Variants in HCN4 observed in about 807,000 individuals in gnomAD.
HCN4 encodes the protein hyperpolarization activated cyclic nucleotide gated potassium channel 4, also known as potassium/sodium hyperpolarization-activated cyclic nucleotide-gated channel 4.
In HCN4, 29 loss-of-function variants were observed where a neutral mutation model predicts 76.9. The ratio of observed to expected loss-of-function variants is 0.38; its 90% confidence interval spans 0.28 to 0.51. HCN4 has a LOEUF of 0.51. Ranked by LOEUF, HCN4 falls within the 20% of genes least tolerant of loss-of-function variation. HCN4 has a pLI of 0.90. For missense variants in HCN4, 1,416 were observed against 1,715.2 expected, an observed-to-expected ratio of 0.83 and a Z score of 3.08; for synonymous variants, 772 against 762.5, an observed-to-expected ratio of 1.01 and a Z score of -0.21.
intron 4 of HCN4, among the ~76,000 whole-genome samples, chr15:73,329,297 G>A (rs1254042793): frequency 6.6e-6 from 1 of 152,208 alleles, no homozygotes; most frequent in Non-Finnish European, 1.5e-5. Context: ...AGCACGGAGG[G>A]CACAGGGCCT....
chr15:73,352,199 C>A (rs889601402), intron 1 of HCN4, among the ~76,000 whole-genome samples: 2 of 152,174 alleles, frequency 1.3e-5, no homozygotes, highest in African/African-American at 4.8e-5. Context: ...TGGAAACATA[C>A]GAATGAGTGG....
intron 2 of HCN4, among the ~76,000 whole-genome samples, chr15:73,337,211 C>T (rs2042971554): frequency 6.6e-6 from 1 of 152,226 alleles, no homozygotes; most frequent in Admixed American, 6.5e-5. Context: ...GACTCTTTGC[C>T]CTGATGAATT....
chr15:73,322,816 G>A lies in HCN4; in HGVS notation c.3277C>T (p.Leu1093=). The part of the protein sequence containing the change: ...LKLISASQPA[L]PQDGAQTLRR... Reference sequence around the variant, plus strand: ...AGAGTCTGCGCCCCGTCCTGAGGCAGGGCTGGCTGAGACGCGGAGATGAGC... The same window carrying A: ...AGAGTCTGCGCCCCGTCCTGAGGCAAGGCTGGCTGAGACGCGGAGATGAGC... The change falls in exon 8 of 8, where the codon CTG becomes TTG. Residue 1093 remains leucine, a synonymous_variant. Coordinates refer to ENST00000261917, the MANE Select transcript of HCN4 (RefSeq NM_005477.3). 1 of 1,533,270 alleles carries A rather than the reference G, an allele frequency of 6.5e-7. No homozygotes were observed. The highest frequency in any genetic ancestry group is 8.8e-7 in the Non-Finnish European group (1 of 1,141,244). 95.0% of individuals were successfully genotyped at this position (1,533,270 alleles called of 1,614,324 possible). A position where few individuals can be genotyped will look rare whatever the true frequency, so the allele number is the denominator to read the frequency against.
chr15:73,352,881 A>G (rs1595832269), intron 1 of HCN4, among the ~76,000 whole-genome samples: 1 of 152,222 alleles, frequency 6.6e-6, no homozygotes, highest in Admixed American at 6.5e-5. Context: ...GGCTTCCCCT[A>G]CTGTGAGCTC....
At chr15:73,350,213 C>A (rs1178670240) in intron 1 of HCN4, among the ~76,000 whole-genome samples, 5 of 152,202 alleles carry the variant, frequency 3.3e-5, no homozygotes, top group African/African-American at 1.2e-4. Flanking sequence ...CCACCCTTCA[C>A]CCCAGACACG....
At chr15:73,356,709 C>T (rs1356075172) in intron 1 of HCN4, among the ~76,000 whole-genome samples, 1 of 151,946 alleles carries the variant, frequency 6.6e-6, no homozygotes, top group Admixed American at 6.5e-5. Context: ...CTGGAGGGAA[C>T]GGGCTGCCTT....
At chr15:73,327,017 G>A (rs1259332994) in intron 4 of HCN4, among the ~76,000 whole-genome samples, 1 of 151,612 alleles carries the variant, frequency 6.6e-6, no homozygotes, top group African/African-American at 2.4e-5. Flanking sequence ...GAACTCCTGG[G>A]CTCAAGAAAT....
At position 73,322,863 on chromosome 15, in the gene HCN4, C is replaced by T; in HGVS notation, c.3230G>A (p.Gly1077Asp). The T allele has an allele frequency of 6.7e-7, 1 of 1,490,724 alleles. No individual in the cohort carries two copies. Among genetic ancestry groups the T allele is most frequent in the Non-Finnish European group, 8.9e-7 (1 of 1,123,896 alleles). 92.3% of individuals were successfully genotyped at this position (1,490,724 alleles called of 1,614,324 possible). The change falls in exon 8 of 8, where the codon GGC becomes GAC. Residue 1077 changes from glycine to aspartate, a missense_variant. By Grantham distance (94) the Gly-to-Asp change is moderately conservative. This residue lies in a region of HCN4 where 633 missense variants were observed against 579.8 expected (regional missense o/e 1.09). Transcript: ENST00000261917. ...GAGCTTGAGGTCCTGGGTGAGGCGG[C>T]CGGGGGTGAGCGGGGGTGTGCCCCG... ...QRRGTPPLTP[G>D]RLTQDLKLIS...
In HCN4 at chr15:73,322,859, G is replaced by A. The variant is rs890354050; in HGVS notation, c.3234C>T (p.Arg1078=). The A allele has an allele frequency of 2.0e-6, 3 of 1,494,900 alleles. No homozygotes were observed. In the African/African-American group the frequency reaches 4.2e-5, roughly 21 times the overall value. The allele number at this position is 1,494,900 out of a possible 1,614,324, so 92.6% of individuals were successfully genotyped here. A position where few individuals can be genotyped will look rare whatever the true frequency, so the allele number is the denominator to read the frequency against. The change falls in exon 8 of 8, where the codon CGC becomes CGT. Residue 1078 remains arginine (R), a synonymous_variant. Coordinates refer to ENST00000261917, the MANE Select transcript of HCN4 (RefSeq NM_005477.3). ...AGATGAGCTTGAGGTCCTGGGTGAG[G>A]CGGCCGGGGGTGAGCGGGGGTGTGC... ...RRGTPPLTPG[R]LTQDLKLISA...
chr15:73,324,101 G>A lies in HCN4; in HGVS notation c.2131C>T (p.Leu711=), dbSNP rs777811797. ...RAFETVALDR[L]DRIGKKNSIL... Reference sequence around the variant, plus strand: ...CCCTCCCCCTCACCAATGCGGTCCAGGCGGTCCAGCGCCACGGTCTCGAAG... The same window carrying A: ...CCCTCCCCCTCACCAATGCGGTCCAAGCGGTCCAGCGCCACGGTCTCGAAG... Residue 711 remains leucine (L), a synonymous_variant, in exon 7 of 8, where the codon CTG becomes TTG. Transcript: ENST00000261917. 5 of 1,613,014 alleles carry A rather than the reference G, an allele frequency of 3.1e-6. No individual in the cohort carries two copies. The highest frequency in any genetic ancestry group is 2.2e-5 in the East Asian group (1 of 44,866).
intron 1 of HCN4, among the ~76,000 whole-genome samples, chr15:73,364,197 G>T (rs1003489097): frequency 1.3e-5 from 2 of 152,118 alleles, no homozygotes; most frequent in Non-Finnish European, 2.9e-5. Flanking sequence ...TATTAAGGCT[G>T]AGCCAGCTTT....
chr15:73,331,182 C>A (rs1282487262), intron 3 of HCN4, among the ~76,000 whole-genome samples: 1 of 152,198 alleles, frequency 6.6e-6, no homozygotes, highest in African/African-American at 2.4e-5. Flanking sequence ...GAACCCACCT[C>A]ATCCACAGGG....
chr15:73,357,428 C>T (rs533430824), intron 1 of HCN4, among the ~76,000 whole-genome samples: 10 of 152,196 alleles, frequency 6.6e-5, no homozygotes, highest in Non-Finnish European at 7.4e-5. Context: ...CTGGCCTGTC[C>T]CACAGGGCCC....
chr15:73,332,353 A>C, intron 2 of HCN4, 61 bp from the exon 3 acceptor site: 1 of 1,550,760 alleles, frequency 6.4e-7, no homozygotes, highest in Non-Finnish European at 8.9e-7. Flanking sequence ...GCCAGCGGCC[A>C]CTTTCCCTGC....
chr15:73,323,992 AAGG>A, intron 7 of HCN4, 43 bp from the exon 8 acceptor site: 1 of 1,610,806 alleles, frequency 6.2e-7, no homozygotes, highest in South Asian at 1.1e-5. Context: ...CAGAGCGGGG[AAGG>A]AGATCAGGTG....
At chr15:73,337,084 G>A (rs903369229) in intron 2 of HCN4, among the ~76,000 whole-genome samples, 2 of 152,182 alleles carry the variant, frequency 1.3e-5, no homozygotes, top group African/African-American at 4.8e-5. Flanking sequence ...CCTGCGTGCT[G>A]CCTCCAGCTC....
rs756960444 is a variant in HCN4 at position 73,322,592 on chromosome 15, C to A, written c.3501G>T (p.Leu1167Phe). 2 of 1,610,926 alleles carry A rather than the reference C, an allele frequency of 1.2e-6. No homozygotes were observed. Among genetic ancestry groups the A allele is most frequent in the Non-Finnish European group, 1.7e-6 (2 of 1,178,864 alleles). The change falls in exon 8 of 8, where the codon TTG (leucine) becomes TTT (phenylalanine). Residue 1167 changes from leucine (L) to phenylalanine (F), a missense_variant. By Grantham distance (22) the Leu-to-Phe change is conservative. This residue lies in a region of HCN4 where 633 missense variants were observed against 579.8 expected (regional missense o/e 1.09). Coordinates refer to ENST00000261917, the MANE Select transcript of HCN4 (RefSeq NM_005477.3). ...SSGSLPPPLS[L>F]FGARATSSGG... ...CAGAAGAGGTGGCTCTTGCCCCAAA[C>A]AAAGACAGAGGGGGTGGCAAAGAAC...
chr15:73,336,524 G>C (rs552055816), intron 2 of HCN4, among the ~76,000 whole-genome samples: 1 of 152,114 alleles, frequency 6.6e-6, no homozygotes, highest in African/African-American at 2.4e-5. Flanking sequence ...ATGTCCAGCT[G>C]TCTCGGTCTA....
intron 1 of HCN4, among the ~76,000 whole-genome samples, chr15:73,359,035 A>T (rs2043093414): frequency 6.6e-6 from 1 of 152,154 alleles, no homozygotes. Context: ...GCCAGCCCCC[A>T]TTATGTATTA....
Sources: allele counts gnomAD v4.1 joint callset (sites outside exome capture counted in the v4.1 genomes callset), GRCh38; gene constraint gnomAD v4.1.1; regional missense constraint gnomAD v4.1.1; transcripts MANE v1.5; gene names NCBI Gene and HGNC (gene_info 2026-07-23, HGNC 2026-07-21).